GRID2: variants seen among roughly 807,000 people sequenced by gnomAD.
GRID2 encodes glutamate ionotropic receptor delta type subunit 2.
A neutral mutation model predicts 114.8 loss-of-function variants in GRID2; 33 were observed. The observed-to-expected ratio is 0.29, with a 90% CI of 0.22 to 0.38. GRID2 has a LOEUF of 0.38. Ranked by LOEUF, GRID2 falls within the 10% of genes least tolerant of loss-of-function variation. GRID2 has a pLI of 1.00. For synonymous variants in GRID2, 505 were observed against 449.9 expected (o/e 1.12, Z -1.55); for missense variants, 1,184 against 1,257.7 (o/e 0.94, Z 0.89).
intron 1 of GRID2, among the ~76,000 whole-genome samples, chr4:92,433,107 G>C: frequency 6.6e-6 from 1 of 152,118 alleles, no homozygotes; most frequent in East Asian, 1.9e-4. Context: ...ATGTGGCTGA[G>C]CTGGTATCCA....
intron 1 of GRID2, among the ~76,000 whole-genome samples, chr4:93,791,596 A>G (rs6818880): frequency 0.47 from 71,501 of 152,058 alleles, 17,736 homozygotes; most frequent in East Asian, 0.65. Flanking sequence ...TTTGTTTTTC[A>G]AATTAAAATA....
intron 13 of GRID2, among the ~76,000 whole-genome samples, chr4:93,588,097 A>G (rs887217757): frequency 6.6e-6 from 1 of 152,146 alleles, no homozygotes; most frequent in Non-Finnish European, 1.5e-5. Context: ...TACCTTCATG[A>G]AAAGTATGAA....
intron 2 of GRID2, among the ~76,000 whole-genome samples, chr4:93,058,753 T>C (rs114251482): frequency 0.026 from 3,947 of 152,082 alleles, 56 homozygotes; most frequent in Non-Finnish European, 0.038. Context: ...AAAAATATTT[T>C]TAAGTTATAT....
At chr4:92,441,601 G>C (rs866014677) in intron 1 of GRID2, among the ~76,000 whole-genome samples, 7 of 152,120 alleles carry the variant, frequency 4.6e-5, no homozygotes, top group African/African-American at 1.4e-4. Context: ...TTTAGGACAG[G>C]TAAAATGGGG....
intron 2 of GRID2, among the ~76,000 whole-genome samples, chr4:92,989,296 A>AT (rs1560774154): frequency 4.1e-5 from 6 of 146,056 alleles, no homozygotes; most frequent in African/African-American, 1.5e-4. Flanking sequence ...AAAAAAAAAA[A>AT]AAAAAATAAT....
rs143909551 is a variant in GRID2, at chr4:93,515,696, A to T, written c.2193+285A>T. ...AGGGTTAAGGACTTAACAAACATGA[A>T]GTTTAAAAAAGTTTTTATAAATCCC... On this transcript the variant is annotated intron_variant, in intron 13 of 15. Transcript: ENST00000282020. Among the ~76,000 whole-genome samples, 391 of 152,254 alleles carry T rather than the reference A, an allele frequency of 2.6e-3. 7 individuals carry two copies. In the East Asian group the frequency reaches 0.027, roughly 10 times the overall value.
At chr4:92,907,694 G>A (rs998636286) in intron 2 of GRID2, among the ~76,000 whole-genome samples, 1 of 152,072 alleles carries the variant, frequency 6.6e-6, no homozygotes, top group African/African-American at 2.4e-5. Flanking sequence ...ACAGGCATGA[G>A]CCCCCACACC....
chr4:92,366,933 G>A (rs1179582010), intron 1 of GRID2, among the ~76,000 whole-genome samples: 1 of 151,980 alleles, frequency 6.6e-6, no homozygotes, highest in African/African-American at 2.4e-5. Context: ...ACCTAAAAAT[G>A]TCTTTTATAG....
At chr4:92,910,008 C>A (rs1748250164) in intron 2 of GRID2, among the ~76,000 whole-genome samples, 2 of 151,894 alleles carry the variant, frequency 1.3e-5, no homozygotes, top group African/African-American at 4.8e-5. Context: ...TTAGGAGAAA[C>A]AGGAGTTAAC....
chr4:92,922,904 G>A (rs1749484361), intron 2 of GRID2, among the ~76,000 whole-genome samples: 1 of 152,194 alleles, frequency 6.6e-6, no homozygotes, highest in Admixed American at 6.5e-5. Flanking sequence ...ATAATGGACT[G>A]GAAGGAGACA....
rs78953215 is a variant in GRID2 at position 93,066,026 on chromosome 4, A to C, written c.245-18969A>C. 8.4e-3 allele frequency among the ~76,000 whole-genome samples: 1,272 copies of C among 151,912 alleles called. 18 individuals carry two copies. The highest frequency in any genetic ancestry group is 0.029 in the African/African-American group (1,203 of 41,504). The stretch of plus-strand genomic sequence containing the variant: ...TATAATGATACCATTTCCACTTTAG[A>C]GGTGAGGAAAATGAAACTCAGGGAG... On this transcript the variant is annotated intron_variant, in intron 2 of 15. Transcript: ENST00000282020.
chr4:93,428,700 C>G (rs1769104267), intron 10 of GRID2, among the ~76,000 whole-genome samples: 1 of 152,030 alleles, frequency 6.6e-6, no homozygotes, highest in South Asian at 2.1e-4. Context: ...AATATTCTAC[C>G]TATTAAAGCA....
At chr4:92,408,072 A>C (rs1010777621) in intron 1 of GRID2, among the ~76,000 whole-genome samples, 2 of 152,184 alleles carry the variant, frequency 1.3e-5, no homozygotes, top group Non-Finnish European at 2.9e-5. Context: ...CAAGTCTTAC[A>C]TTTGAATCTT....
chr4:93,414,753 A>T (rs1015765133), intron 9 of GRID2, among the ~76,000 whole-genome samples: 1 of 149,400 alleles, frequency 6.7e-6, no homozygotes, highest in South Asian at 2.1e-4. Context: ...ATGTAGGTCT[A>T]GAAGAATAGA....
chr4:93,217,136 T>C (rs1247377621), intron 6 of GRID2: 2 of 359,916 alleles, frequency 5.6e-6, no homozygotes, highest in Non-Finnish European at 1.0e-5. Flanking sequence ...AAAAATATAA[T>C]AAGTAAAGGT....
At chr4:92,881,882 T>G (rs1746046346) in intron 2 of GRID2, among the ~76,000 whole-genome samples, 3 of 152,206 alleles carry the variant, frequency 2.0e-5, no homozygotes, top group Admixed American at 2.0e-4. Context: ...AGTATTATAC[T>G]TTTAAACATA....
At chr4:93,628,999 T>C (rs1742997270) in intron 14 of GRID2, among the ~76,000 whole-genome samples, 1 of 152,170 alleles carries the variant, frequency 6.6e-6, no homozygotes. Context: ...ACTCCTGATA[T>C]CAGGTGATCC....
chr4:92,444,648 C>A (rs1011192817), intron 1 of GRID2, among the ~76,000 whole-genome samples: 1 of 152,068 alleles, frequency 6.6e-6, no homozygotes, highest in Non-Finnish European at 1.5e-5. Context: ...GGCTCAGAGG[C>A]CTGACATTTC....
chr4:92,421,242 G>A (rs1300525904), intron 1 of GRID2, among the ~76,000 whole-genome samples: 1 of 151,918 alleles, frequency 6.6e-6, no homozygotes, highest in Admixed American at 6.6e-5. Flanking sequence ...TGTACGGACT[G>A]TTTTATATTT....
Sources: gnomAD v4.1 joint callset for allele counts (sites outside exome capture counted in the v4.1 genomes callset) on GRCh38, gnomAD v4.1.1 for gene constraint, MANE v1.5 for transcripts, NCBI Gene and HGNC (gene_info 2026-07-23, HGNC 2026-07-21) for gene names.